Variants in NAT2 observed in about 807,000 individuals in gnomAD.
The protein encoded by NAT2 is arylamine N-acetyltransferase 2.
For synonymous variants in NAT2, 137 were observed against 125.9 expected, an observed-to-expected ratio of 1.09 and a Z score of -0.59; for missense variants, 428 against 339.1, an observed-to-expected ratio of 1.26 and a Z score of -2.06.
At chr8:18,397,867 A>G (rs748657789) in intron 1 of NAT2, among the ~76,000 whole-genome samples, 3 of 150,562 alleles carry the variant, frequency 2.0e-5, no homozygotes, top group Admixed American at 6.6e-5. Context: ...GCTCTGGCAA[A>G]TTTTTTTTTT....
At chr8:18,395,922 A>G (rs1258473431) in intron 1 of NAT2, among the ~76,000 whole-genome samples, 3 of 151,208 alleles carry the variant, frequency 2.0e-5, no homozygotes, top group Non-Finnish European at 2.9e-5. Flanking sequence ...CATGAGGCCA[A>G]CTAAATTTGT....
Position 18,400,897 on chromosome 8 carries a change from C to A in NAT2, c.*21C>A. 1 of 1,537,648 alleles carries A rather than the reference C, an allele frequency of 6.5e-7. No individual in the cohort carries two copies. Among genetic ancestry groups the A allele is most frequent in the South Asian group, 1.3e-5 (1 of 77,168 alleles). ...TTTAGAATAAGGAACAAAATAAACC[C>A]TTGTGTATGTATCACCCAACTCACT... is the stretch of plus-strand genomic sequence containing the variant. On this transcript the variant is annotated 3_prime_UTR_variant, in exon 2 of 2. Coordinates refer to ENST00000286479, the MANE Select transcript of NAT2 (RefSeq NM_000015.3).
intron 1 of NAT2, among the ~76,000 whole-genome samples, chr8:18,398,566 G>A (rs1487510793): frequency 6.6e-6 from 1 of 152,138 alleles, no homozygotes; most frequent in African/African-American, 2.4e-5. Flanking sequence ...TTACCTTGGG[G>A]CACTGTCTTC....
In NAT2 at chr8:18,400,603, A is replaced by G. The variant is rs72466461; in HGVS notation, c.600A>G (p.Glu200=). 28 of 1,613,474 alleles carry G rather than the reference A, an allele frequency of 1.7e-5. No individual in the cohort carries two copies. Among genetic ancestry groups the G allele is most frequent in the Admixed American group, 1.0e-4 (6 of 59,914 alleles). ...TTACGCTTGAACCTCGAACAATTGAAGATTTTGAGTCTATGAATACATACC... is the reference window on the plus strand; with the variant it reads ...TTACGCTTGAACCTCGAACAATTGAGGATTTTGAGTCTATGAATACATACC... ...YLFTLEPRTI[E]DFESMNTYLQ... Residue 200 remains glutamate, a synonymous_variant, in exon 2 of 2, where the codon GAA becomes GAG. Coordinates refer to ENST00000286479, the MANE Select transcript of NAT2 (RefSeq NM_000015.3).
intron 1 of NAT2, among the ~76,000 whole-genome samples, chr8:18,395,741 G>A (rs968100761): frequency 6.6e-6 from 1 of 152,140 alleles, no homozygotes; most frequent in Non-Finnish European, 1.5e-5. Context: ...CGGGTATTTA[G>A]ATAGAGACAG....
At chr8:18,394,843 G>A (rs1800656552) in intron 1 of NAT2, among the ~76,000 whole-genome samples, 2 of 152,130 alleles carry the variant, frequency 1.3e-5, no homozygotes, top group Admixed American at 1.3e-4. Context: ...GATTCTAACT[G>A]AATTTATGCA....
At chr8:18,399,966 A>G (rs1800758772) in intron 1 of NAT2, 32 bp from the exon 2 acceptor site, 1 of 1,526,636 alleles carries the variant, frequency 6.6e-7, no homozygotes. Flanking sequence ...CTAAAGTATG[A>G]TATGTTTTTA....
upstream of NAT2, among the ~76,000 whole-genome samples, chr8:18,389,670 A>G (rs1431541294): frequency 1.3e-5 from 2 of 152,198 alleles, no homozygotes; most frequent in Non-Finnish European, 2.9e-5. Flanking sequence ...AAGTACATCT[A>G]TGATCTGCCC....
chr8:18,399,687 C>T (rs183659228), intron 1 of NAT2, among the ~76,000 whole-genome samples: 5 of 152,140 alleles, frequency 3.3e-5, no homozygotes, highest in African/African-American at 1.2e-4. Flanking sequence ...CTTTTTTACT[C>T]ATCACCAAGA....
At chr8:18,390,713 A>T (rs1775981166), upstream of NAT2, among the ~76,000 whole-genome samples, 1 of 118,722 alleles carries the variant, frequency 8.4e-6, no homozygotes, top group Non-Finnish European at 2.0e-5. Context: ...AATTTACATT[A>T]ATGTTAATGT....
chr8:18,389,951 C>T (rs1021409638), upstream of NAT2, among the ~76,000 whole-genome samples: 1 of 152,122 alleles, frequency 6.6e-6, no homozygotes, highest in African/African-American at 2.4e-5. Flanking sequence ...AACAGTGAAC[C>T]CAAGACACCT....
rs555721230 is a variant in NAT2 at position 18,392,092 on chromosome 8, G to C, written c.-7+747G>C. ...CCTTATGTGGGGGCCATAGGCTGTT[G>C]GCCCCCTAAAGCTTCACTAAAAGTC... On this transcript the variant is annotated intron_variant, in intron 1 of 1. Transcript: ENST00000286479. 1.6e-4 allele frequency among the ~76,000 whole-genome samples: 25 copies of C among 152,306 alleles called. 1 individual carries two copies. The South Asian group carries it at 5.2e-3, about 32-fold the overall frequency.
chr8:18,400,535 T>A lies in NAT2; in HGVS notation c.532T>A (p.Ser178Thr). Residue 178 changes from serine (S) to threonine (T), a missense_variant, in exon 2 of 2, where the codon TCT becomes ACT. Coordinates refer to ENST00000286479, the MANE Select transcript of NAT2 (RefSeq NM_000015.3). ...TATTACAAACAAAGAATTTCTTAAT[T>A]CTCATCTCCTGCCAAAGAAGAAACA... is the stretch of plus-strand genomic sequence containing the variant. Reference protein sequence around the residue: ...QYITNKEFLNSHLLPKKKHQK... With the variant: ...QYITNKEFLNTHLLPKKKHQK... The A allele has an allele frequency of 1.2e-6, 2 of 1,612,630 alleles. No individual in the cohort carries two copies. Among genetic ancestry groups the A allele is most frequent in the Non-Finnish European group, 8.5e-7 (1 of 1,179,646 alleles).
At chr8:18,388,148 T>C (rs4921907), upstream of NAT2, among the ~76,000 whole-genome samples, 152,091 of 152,342 alleles carry the variant, frequency 1, 75,922 homozygotes, top group Middle Eastern at 1. Context: ...GTGAAGACCT[T>C]CTGAGACTGA....
intron 1 of NAT2, among the ~76,000 whole-genome samples, chr8:18,396,581 A>G (rs1477967076): frequency 2.0e-5 from 3 of 152,148 alleles, no homozygotes; most frequent in Non-Finnish European, 2.9e-5. Context: ...TTTTTAGTAG[A>G]GACGGGGTTT....
chr8:18,400,003 C>T lies in NAT2; in HGVS notation c.-1C>T, dbSNP rs1282296742. 6.4e-7 allele frequency: 1 copy of T among 1,572,850 alleles called. No individual in the cohort carries two copies. The highest frequency in any genetic ancestry group is 1.4e-5 in the African/African-American group (1 of 73,402). The stretch of plus-strand genomic sequence containing the variant: ...GTTTTGTTTTTCTTGCTTAGGGGAT[C>T]ATGGACATTGAAGCATATTTTGAAA... On this transcript the variant is annotated 5_prime_UTR_variant, in exon 2 of 2. Coordinates refer to ENST00000286479, the MANE Select transcript of NAT2 (RefSeq NM_000015.3).
intron 1 of NAT2, 67 bp from the exon 2 acceptor site, chr8:18,399,931 A>AT: frequency 3.4e-6 from 5 of 1,470,588 alleles, no homozygotes; most frequent in Non-Finnish European, 4.6e-6. Flanking sequence ...TATACCTATA[A>AT]TTAGTCACAC....
rs754150699 is a variant in NAT2, at chr8:18,400,008, A to G, written c.5A>G (p.Asp2Gly). 2.5e-6 allele frequency: 4 copies of G among 1,578,558 alleles called. No individual in the cohort carries two copies. Among genetic ancestry groups the G allele is most frequent in the Admixed American group, 1.8e-5 (1 of 54,692 alleles). Residue 2 changes from aspartate (D) to glycine (G), a missense_variant, in exon 2 of 2, where the codon GAC becomes GGC. Coordinates refer to ENST00000286479, the MANE Select transcript of NAT2 (RefSeq NM_000015.3). M[D>G]IEAYFERIGY... ...GTTTTTCTTGCTTAGGGGATCATGG[A>G]CATTGAAGCATATTTTGAAAGAATT...
At chr8:18,392,866 G>A (rs2117612859) in intron 1 of NAT2, among the ~76,000 whole-genome samples, 1 of 152,304 alleles carries the variant, frequency 6.6e-6, no homozygotes, top group African/African-American at 2.4e-5. Context: ...AAGAAGCTCG[G>A]CTAGCAAAGG....
Sources: allele counts gnomAD v4.1 joint callset (sites outside exome capture counted in the v4.1 genomes callset), GRCh38; gene constraint gnomAD v4.1.1; transcripts MANE v1.5; gene names NCBI Gene and HGNC (gene_info 2026-07-23, HGNC 2026-07-21).